Variants in S1PR4 observed in about 807,000 individuals in gnomAD.
S1PR4 encodes the protein sphingosine 1-phosphate receptor 4.
Under a neutral mutation model 0.4 loss-of-function variants are expected in S1PR4, and 1 was observed. The observed-to-expected ratio is 2.48, with a 90% confidence interval of 0.88 to 11.76. S1PR4 has a LOEUF of 11.76. S1PR4 is among the 30% of genes most tolerant of loss of function. The probability of loss-of-function intolerance (pLI) is 0.12; values close to 1 mark genes in which losing one functional copy is unlikely to be tolerated. For missense variants in S1PR4, 595 were observed against 557.8 expected (o/e 1.07, Z -0.67); for synonymous variants, 296 against 266.7 (o/e 1.11, Z -1.07).
In S1PR4 at chr19:3,179,672, G is replaced by C. The variant is rs1334461282; in HGVS notation, c.880G>C (p.Ala294Pro). Residue 294 changes from alanine (A) to proline (P), a missense_variant, in exon 1 of 1, where the codon GCC becomes CCC. Ala to Pro is a conservative substitution (Grantham distance 27). Transcript: ENST00000246115. ...CCTGCGGGGCATGGACTGGATCCTG[G>C]CCCTGGCCGTCCTCAACTCGGCGGT... ...EYLRGMDWIL[A>P]LAVLNSAVNP... is the part of the protein sequence containing the mutation. The C allele has an allele frequency of 6.2e-7, 1 of 1,613,286 alleles. No individual in the cohort carries two copies. Among genetic ancestry groups the C allele is most frequent in the Non-Finnish European group, 8.5e-7 (1 of 1,179,996 alleles).
Position 3,179,182 on chromosome 19 carries a change from C to T in S1PR4, c.390C>T (p.Ala130=), listed in dbSNP as rs781622520. The T allele has an allele frequency of 1.7e-5, 28 of 1,610,152 alleles. No individual in the cohort carries two copies. In the Admixed American group the frequency reaches 2.3e-4, roughly 13 times the overall value. The change falls in exon 1 of 1, where the codon GCC becomes GCT. Residue 130 remains alanine (A), a synonymous_variant. Transcript: ENST00000246115. ...AGGGCCTGCTCTTCACCGCCCTGGC[C>T]GCCTCCACCTTCAGCCTGCTCTTCA... is the stretch of plus-strand genomic sequence containing the variant. ...LREGLLFTAL[A]ASTFSLLFTA...
rs141031634 is a variant in S1PR4, at chr19:3,179,877, G to T, written c.1085G>T (p.Arg362Leu). 1.2e-5 allele frequency: 19 copies of T among 1,538,618 alleles called. No homozygotes were observed. The highest frequency in any genetic ancestry group is 2.3e-5 in the East Asian group (1 of 43,704). The change falls in exon 1 of 1, where the codon CGC becomes CTC. Residue 362 changes from arginine to leucine, a missense_variant. Transcript: ENST00000246115. The stretch of plus-strand genomic sequence containing the variant: ...TCTCTGAGGCCAAGGGACAGCTTTC[G>T]CGGCTCCCGCTCGCTCAGCTTTCGG... ...DSSLRPRDSF[R>L]GSRSLSFRMR...
chr19:3,179,216 G>C lies in S1PR4; in HGVS notation c.424G>C (p.Glu142Gln). 6.2e-7 allele frequency: 1 copy of C among 1,603,252 alleles called. No homozygotes were observed. ...STFSLLFTAGERFATMVRPVA... is the reference protein window; with the variant it reads ...STFSLLFTAGQRFATMVRPVA... ...CTTCAGCCTGCTCTTCACTGCAGGG[G>C]AGCGCTTTGCCACCATGGTGCGGCC... Residue 142 changes from glutamate to glutamine, a missense_variant, in exon 1 of 1, where the codon GAG becomes CAG. Glu to Gln is a conservative substitution (Grantham distance 29). Coordinates refer to ENST00000246115, the MANE Select transcript of S1PR4 (RefSeq NM_003775.4).
Position 3,179,961 on chromosome 19 carries a change from C to T in S1PR4, c.*14C>T, listed in dbSNP as rs371492374. ...CGGAGCATCTGAAGTTGCAGTCTTG[C>T]GTGTGGATGGTGCAGCCACCGGGTG... On this transcript the variant is annotated 3_prime_UTR_variant, in exon 1 of 1. Transcript: ENST00000246115. 1.5e-5 allele frequency: 23 copies of T among 1,508,430 alleles called. No individual in the cohort carries two copies. The highest frequency in any genetic ancestry group is 1.2e-4 in the South Asian group (9 of 74,666). The allele number at this position is 1,508,430 out of a possible 1,614,324, so 93.4% of individuals were successfully genotyped here.
In S1PR4 at chr19:3,178,939, GC is replaced by G; in HGVS notation, c.148del (p.Arg50GlyfsTer37). On this transcript the variant is annotated frameshift_variant, in exon 1 of 1. Transcript: ENST00000246115. LOFTEE classifies it low-confidence loss of function (END_TRUNC). ...CGGAGGATGGCGGCCTGGGGGCCCT[GC>G]GGGGGCTGTCGGTGGCCGCCAGCTG... is the stretch of plus-strand genomic sequence containing the variant. ...GPEDGGLGAL[R>X]GLSVAASCLV... is the part of the protein sequence containing the mutation. The G allele has an allele frequency of 1.3e-6, 2 of 1,536,614 alleles. No homozygotes were observed.
In S1PR4 at chr19:3,180,030, G is replaced by C; in HGVS notation, c.*83G>C. ...CTGGGGTACAGGAAGCTGTGTGCAC[G>C]CAGCCTCGCCTGTATGGGGAGCAGG... On this transcript the variant is annotated 3_prime_UTR_variant, in exon 1 of 1. Coordinates refer to ENST00000246115, the MANE Select transcript of S1PR4 (RefSeq NM_003775.4). 2 of 1,326,326 alleles carry C rather than the reference G, an allele frequency of 1.5e-6. No homozygotes were observed. The highest frequency in any genetic ancestry group is 4.0e-4 in the Middle Eastern group (2 of 5,010). 82.2% of individuals were successfully genotyped at this position (1,326,326 alleles called of 1,614,324 possible). A position where few individuals can be genotyped will look rare whatever the true frequency, so the allele number is the denominator to read the frequency against.
In S1PR4 at chr19:3,179,979, A is replaced by T; in HGVS notation, c.*32A>T. The T allele has an allele frequency of 6.6e-7, 1 of 1,503,844 alleles. No individual in the cohort carries two copies. Among genetic ancestry groups the T allele is most frequent in the Non-Finnish European group, 8.9e-7 (1 of 1,126,336 alleles). 93.2% of individuals were successfully genotyped at this position (1,503,844 alleles called of 1,614,324 possible). On this transcript the variant is annotated 3_prime_UTR_variant, in exon 1 of 1. Transcript: ENST00000246115. ...AGTCTTGCGTGTGGATGGTGCAGCC[A>T]CCGGGTGCGTGCCAGGCAGGCCCTC...
rs1226075527 is a variant in S1PR4 at position 3,178,948 on chromosome 19, G to A, written c.156G>A (p.Leu52=). The A allele has an allele frequency of 9.1e-6, 14 of 1,541,772 alleles. No individual in the cohort carries two copies. Among genetic ancestry groups the A allele is most frequent in the Non-Finnish European group, 1.2e-5 (14 of 1,150,210 alleles). ...GCGGCCTGGGGGCCCTGCGGGGGCTGTCGGTGGCCGCCAGCTGCCTGGTGG... is the reference window on the plus strand; with the variant it reads ...GCGGCCTGGGGGCCCTGCGGGGGCTATCGGTGGCCGCCAGCTGCCTGGTGG... ...EDGGLGALRG[L]SVAASCLVVL... is the part of the protein sequence containing the mutation. The change falls in exon 1 of 1, where the codon CTG becomes CTA. Residue 52 remains leucine (L), a synonymous_variant. Coordinates refer to ENST00000246115, the MANE Select transcript of S1PR4 (RefSeq NM_003775.4).
In S1PR4 at chr19:3,179,102, C is replaced by T; in HGVS notation, c.310C>T (p.Leu104=). The T allele has an allele frequency of 6.2e-7, 1 of 1,611,392 alleles. No individual in the cohort carries two copies. The highest frequency in any genetic ancestry group is 8.5e-7 in the Non-Finnish European group (1 of 1,179,796). ...GGGCGCGGCCTACCTGGCCAACGTG[C>T]TGCTGTCGGGGGCCCGCACCTTCCG... ...LTGAAYLANV[L]LSGARTFRLA... is the part of the protein sequence containing the mutation. The change falls in exon 1 of 1, where the codon CTG becomes TTG. Residue 104 remains leucine, a synonymous_variant. Transcript: ENST00000246115.
rs772130469 is a variant in S1PR4 at position 3,179,752 on chromosome 19, C to T, written c.960C>T (p.Ser320=). 6.2e-7 allele frequency: 1 copy of T among 1,612,020 alleles called. No individual in the cohort carries two copies. The highest frequency in any genetic ancestry group is 8.5e-7 in the Non-Finnish European group (1 of 1,179,542). ...GGGAGGTGTGCAGAGCCGTGCTCAG[C>T]TTCCTCTGCTGCGGGTGTCTCCGGC... ...RSREVCRAVL[S]FLCCGCLRLG... The change falls in exon 1 of 1, where the codon AGC becomes AGT. Residue 320 remains serine, a synonymous_variant. Transcript: ENST00000246115.
rs1478077369 is a variant in S1PR4 at position 3,179,969 on chromosome 19, T to C, written c.*22T>C. 1 of 1,508,564 alleles carries C rather than the reference T, an allele frequency of 6.6e-7. No homozygotes were observed. The highest frequency in any genetic ancestry group is 2.3e-5 in the Admixed American group (1 of 43,234). The allele number at this position is 1,508,564 out of a possible 1,614,324, so 93.4% of individuals were successfully genotyped here. The stretch of plus-strand genomic sequence containing the variant: ...CTGAAGTTGCAGTCTTGCGTGTGGA[T>C]GGTGCAGCCACCGGGTGCGTGCCAG... On this transcript the variant is annotated 3_prime_UTR_variant, in exon 1 of 1. Coordinates refer to ENST00000246115, the MANE Select transcript of S1PR4 (RefSeq NM_003775.4).
In S1PR4 at chr19:3,179,970, G is replaced by A. The variant is rs1169754629; in HGVS notation, c.*23G>A. ...TGAAGTTGCAGTCTTGCGTGTGGAT[G>A]GTGCAGCCACCGGGTGCGTGCCAGG... On this transcript the variant is annotated 3_prime_UTR_variant, in exon 1 of 1. Coordinates refer to ENST00000246115, the MANE Select transcript of S1PR4 (RefSeq NM_003775.4). 2.0e-6 allele frequency: 3 copies of A among 1,508,456 alleles called. No homozygotes were observed. Among genetic ancestry groups the A allele is most frequent in the East Asian group, 4.6e-5 (2 of 43,208 alleles). The allele number at this position is 1,508,456 out of a possible 1,614,324, so 93.4% of individuals were successfully genotyped here. A position where few individuals can be genotyped will look rare whatever the true frequency, so the allele number is the denominator to read the frequency against.
rs746109847 is a variant in S1PR4 at position 3,179,747 on chromosome 19, C to G, written c.955C>G (p.Leu319Val). The part of the protein sequence containing the change: ...FRSREVCRAV[L>V]SFLCCGCLRL... The stretch of plus-strand genomic sequence containing the variant: ...CAGCAGGGAGGTGTGCAGAGCCGTG[C>G]TCAGCTTCCTCTGCTGCGGGTGTCT... Residue 319 changes from leucine (L) to valine (V), a missense_variant, in exon 1 of 1, where the codon CTC (leucine) becomes GTC (valine). Leu to Val is a conservative substitution (Grantham distance 32). Transcript: ENST00000246115. 20 of 1,612,208 alleles carry G rather than the reference C, an allele frequency of 1.2e-5. No individual in the cohort carries two copies. Among genetic ancestry groups the G allele is most frequent in the Non-Finnish European group, 1.4e-5 (17 of 1,179,742 alleles).
In S1PR4 at chr19:3,179,098, C is replaced by T. The variant is rs376348566; in HGVS notation, c.306C>T (p.Asn102=). The T allele has an allele frequency of 3.3e-5, 53 of 1,611,300 alleles. No homozygotes were observed. The highest frequency in any genetic ancestry group is 1.3e-4 in the African/African-American group (10 of 75,050). ...DLLTGAAYLA[N]VLLSGARTFR... is the part of the protein sequence containing the mutation. ...TCACGGGCGCGGCCTACCTGGCCAACGTGCTGCTGTCGGGGGCCCGCACCT... is the reference window on the plus strand; with the variant it reads ...TCACGGGCGCGGCCTACCTGGCCAATGTGCTGCTGTCGGGGGCCCGCACCT... The change falls in exon 1 of 1, where the codon AAC becomes AAT. Residue 102 remains asparagine (N), a synonymous_variant. Coordinates refer to ENST00000246115, the MANE Select transcript of S1PR4 (RefSeq NM_003775.4).
At position 3,179,829 on chromosome 19, in the gene S1PR4, C is replaced by G. The variant is rs763293401; in HGVS notation, c.1037C>G (p.Ser346Cys). Residue 346 changes from serine (S) to cysteine (C), a missense_variant, in exon 1 of 1, where the codon TCC becomes TGC. Ser to Cys is a moderately radical substitution (Grantham distance 112, BLOSUM62 -1). Coordinates refer to ENST00000246115, the MANE Select transcript of S1PR4 (RefSeq NM_003775.4). ...DCLARAVEAH[S>C]GASTTDSSLR... ...CTGGCCCGGGCCGTCGAGGCTCACT[C>G]CGGAGCTTCCACCACCGACAGCTCT... is the stretch of plus-strand genomic sequence containing the variant. 1 of 1,588,686 alleles carries G rather than the reference C, an allele frequency of 6.3e-7. No individual in the cohort carries two copies. Among genetic ancestry groups the G allele is most frequent in the South Asian group, 1.1e-5 (1 of 89,222 alleles).
Position 3,179,017 on chromosome 19 carries a change from G to T in S1PR4, c.225G>T (p.Met75Ile). Residue 75 changes from methionine (M) to isoleucine (I), a missense_variant, in exon 1 of 1, where the codon ATG becomes ATT. Physicochemically the swap from Met to Ile is conservative, Grantham distance 10 (BLOSUM62 1). Coordinates refer to ENST00000246115, the MANE Select transcript of S1PR4 (RefSeq NM_003775.4). ...LLVLAAITSH[M>I]RSRRWVYYCL... is the part of the protein sequence containing the mutation. ...TGCTGGCGGCCATCACCAGCCACAT[G>T]CGGTCGCGACGCTGGGTCTACTATT... 6.3e-7 allele frequency: 1 copy of T among 1,599,226 alleles called. No homozygotes were observed.
rs1915512556 is a variant in S1PR4, at chr19:3,179,821, G to A, written c.1029G>A (p.Glu343=). Residue 343 remains glutamate, a synonymous_variant, in exon 1 of 1, where the codon GAG becomes GAA. Transcript: ENST00000246115. ...GPGDCLARAV[E]AHSGASTTDS... ...GGGACTGCCTGGCCCGGGCCGTCGA[G>A]GCTCACTCCGGAGCTTCCACCACCG... The A allele has an allele frequency of 1.9e-6, 3 of 1,593,104 alleles. No homozygotes were observed. The highest frequency in any genetic ancestry group is 2.6e-6 in the Non-Finnish European group (3 of 1,170,104).
chr19:3,179,671 G>A lies in S1PR4; in HGVS notation c.879G>A (p.Leu293=). 2.5e-6 allele frequency: 4 copies of A among 1,613,446 alleles called. No individual in the cohort carries two copies. The highest frequency in any genetic ancestry group is 1.1e-5 in the South Asian group (1 of 91,078). Residue 293 remains leucine, a synonymous_variant, in exon 1 of 1, where the codon CTG becomes CTA. Transcript: ENST00000246115. Reference sequence around the variant, plus strand: ...ACCTGCGGGGCATGGACTGGATCCTGGCCCTGGCCGTCCTCAACTCGGCGG... The same window carrying A: ...ACCTGCGGGGCATGGACTGGATCCTAGCCCTGGCCGTCCTCAACTCGGCGG... ...QEYLRGMDWI[L]ALAVLNSAVN...
rs563610768 is a variant in S1PR4 at position 3,178,935 on chromosome 19, C to T, written c.143C>T (p.Ala48Val). 7 of 1,532,666 alleles carry T rather than the reference C, an allele frequency of 4.6e-6. No individual in the cohort carries two copies. Among genetic ancestry groups the T allele is most frequent in the South Asian group, 1.2e-5 (1 of 83,692 alleles). 94.9% of individuals were successfully genotyped at this position (1,532,666 alleles called of 1,614,324 possible). A position where few individuals can be genotyped will look rare whatever the true frequency, so the allele number is the denominator to read the frequency against. Residue 48 changes from alanine to valine, a missense_variant, in exon 1 of 1, where the codon GCC becomes GTC. Physicochemically the swap from Ala to Val is moderately conservative, Grantham distance 64 (BLOSUM62 0). Transcript: ENST00000246115. ...GGGCCGGAGGATGGCGGCCTGGGGG[C>T]CCTGCGGGGGCTGTCGGTGGCCGCC... ...RGGPEDGGLG[A>V]LRGLSVAASC...
Sources: gnomAD v4.1 joint callset for allele counts on GRCh38, gnomAD v4.1.1 for gene constraint, MANE v1.5 for transcripts, NCBI Gene and HGNC (gene_info 2026-07-23, HGNC 2026-07-21) for gene names.